The following ELOA variants were observed in gnomAD, a reference collection of about 807,000 sequenced individuals.
ELOA encodes elongin A.
A neutral mutation model predicts 85.2 loss-of-function variants in ELOA; 15 were observed. That is an observed-to-expected ratio of 0.18 (90% CI 0.12 to 0.27). ELOA has a LOEUF of 0.27. Ranked by LOEUF, ELOA falls within the 10% of genes least tolerant of loss-of-function variation. The probability of loss-of-function intolerance (pLI) is 1.00; values close to 1 mark genes in which losing one functional copy is unlikely to be tolerated. For missense variants in ELOA, 769 were observed against 952.7 expected, an observed-to-expected ratio of 0.81 and a Z score of 2.54; for synonymous variants, 348 against 357.2, an observed-to-expected ratio of 0.97 and a Z score of 0.29.
chr1:23,759,349 T>C (rs976759124), intron 10 of ELOA, among the ~76,000 whole-genome samples, 163 bp from the exon 11 acceptor site: 2 of 152,378 alleles, frequency 1.3e-5, no homozygotes, highest in African/African-American at 4.8e-5. Flanking sequence ...TGCTCTGTGC[T>C]GTTGCTTTTA....
At chr1:23,759,176 T>A (rs1188996558) in intron 10 of ELOA, among the ~76,000 whole-genome samples, 1 of 152,238 alleles carries the variant, frequency 6.6e-6, no homozygotes, top group East Asian at 1.9e-4. Context: ...AGAGTGAGAC[T>A]CTTTCCTTAC....
chr1:23,750,290 C>T (rs559168876), intron 3 of ELOA, among the ~76,000 whole-genome samples: 67 of 150,288 alleles, frequency 4.5e-4, no homozygotes, highest in Admixed American at 7.4e-4. Flanking sequence ...ATTCTCCTGC[C>T]TCAGCCTCCT....
chr1:23,746,764 G>T (rs1241317241), intron 1 of ELOA, among the ~76,000 whole-genome samples: 2 of 152,148 alleles, frequency 1.3e-5, no homozygotes, highest in Non-Finnish European at 2.9e-5. Context: ...GCCTCAACAT[G>T]TACCTTGCAA....
At chr1:23,745,481 A>C (rs1340159852) in intron 1 of ELOA, among the ~76,000 whole-genome samples, 1 of 151,438 alleles carries the variant, frequency 6.6e-6, no homozygotes, top group East Asian at 1.9e-4. Context: ...GAAAAGGCTT[A>C]TTCCACCTCA....
chr1:23,752,939 A>G (rs1336408032), intron 5 of ELOA, among the ~76,000 whole-genome samples: 2 of 151,904 alleles, frequency 1.3e-5, no homozygotes, highest in African/African-American at 2.4e-5. Flanking sequence ...GGGAAACTCT[A>G]TTTCAAAAAA....
chr1:23,743,803 C>T (rs1435021730), intron 1 of ELOA, among the ~76,000 whole-genome samples: 1 of 152,110 alleles, frequency 6.6e-6, no homozygotes, highest in Admixed American at 6.5e-5. Flanking sequence ...CTCACGGGCC[C>T]GGGATGGGGG....
chr1:23,756,219 A>G lies in ELOA; in HGVS notation c.1973-55A>G, dbSNP rs1644794203. The G allele has an allele frequency of 4.7e-6, 7 of 1,496,714 alleles. No homozygotes were observed. In the East Asian group the frequency reaches 9.9e-5, roughly 21 times the overall value. 92.7% of individuals were successfully genotyped at this position (1,496,714 alleles called of 1,614,324 possible). On this transcript the variant is annotated intron_variant, in intron 8 of 10. Transcript: ENST00000613537. Reference sequence around the variant, plus strand: ...CTCAAAAAGCCCGTGGATTATTTAAATAACAGTAGCATCTCTGCTCAAGAA... The same window carrying G: ...CTCAAAAAGCCCGTGGATTATTTAAGTAACAGTAGCATCTCTGCTCAAGAA...
intron 8 of ELOA, 61 bp downstream of exon 8, chr1:23,756,084 G>A (rs1644793571): frequency 6.4e-7 from 1 of 1,573,520 alleles, no homozygotes; most frequent in African/African-American, 1.4e-5. Context: ...TCAATAGCAG[G>A]GTGTTGGTGG....
intron 10 of ELOA, among the ~76,000 whole-genome samples, chr1:23,757,842 A>C (rs1638220734): frequency 6.6e-6 from 1 of 151,942 alleles, no homozygotes; most frequent in Admixed American, 6.6e-5. Flanking sequence ...TGAAAGTAGA[A>C]AATAGTATCT....
At chr1:23,750,289 C>T (rs1024424719) in intron 3 of ELOA, among the ~76,000 whole-genome samples, 2 of 149,418 alleles carry the variant, frequency 1.3e-5, no homozygotes, top group African/African-American at 2.5e-5. Context: ...CATTCTCCTG[C>T]CTCAGCCTCC....
chr1:23,757,246 A>G, intron 10 of ELOA, 121 bp downstream of exon 10: 3 of 1,104,578 alleles, frequency 2.7e-6, no homozygotes, highest in African/African-American at 1.6e-5. Context: ...TGCCTTGCAC[A>G]TAGCTGGTCT....
chr1:23,743,718 C>A, intron 1 of ELOA, 140 bp downstream of exon 1: 2 of 1,063,816 alleles, frequency 1.9e-6, no homozygotes, highest in Non-Finnish European at 2.5e-6. Context: ...AAGTTCGCGG[C>A]CATTGACCGC....
intron 9 of ELOA, among the ~76,000 whole-genome samples, chr1:23,756,641 C>A (rs1644795865): frequency 6.6e-6 from 1 of 152,216 alleles, no homozygotes; most frequent in African/African-American, 2.4e-5. Flanking sequence ...GGGAAACATT[C>A]CCTTATGCTT....
At chr1:23,758,280 T>A (rs527842397) in intron 10 of ELOA, among the ~76,000 whole-genome samples, 12 of 111,134 alleles carry the variant, frequency 1.1e-4, no homozygotes, top group African/African-American at 2.8e-4. Context: ...TTTTTTTTTT[T>A]TTTTTTTTTT....
At position 23,743,548 on chromosome 1, in the gene ELOA, G is replaced by T; in HGVS notation, c.45G>T (p.Ala15=). Residue 15 remains alanine (A), a synonymous_variant, in exon 1 of 11, where the codon GCG becomes GCT. Coordinates refer to ENST00000613537, the MANE Select transcript of ELOA (RefSeq NM_003198.3). ...SALQVVEKLQ[A]RLAANPDPKK... ...TCCAAGTTGTGGAGAAGCTGCAGGC[G>T]CGCCTGGCCGCGAACCCGGACCCTA... is the stretch of plus-strand genomic sequence containing the variant. 6.7e-7 allele frequency: 1 copy of T among 1,496,600 alleles called. No individual in the cohort carries two copies. Among genetic ancestry groups the T allele is most frequent in the South Asian group, 1.2e-5 (1 of 80,242 alleles). 92.7% of individuals were successfully genotyped at this position (1,496,600 alleles called of 1,614,324 possible).
Position 23,757,144 on chromosome 1 carries a change from C to T in ELOA, c.2257+19C>T, listed in dbSNP as rs1257459084. On this transcript the variant is annotated intron_variant, in intron 10 of 10. Transcript: ENST00000613537. ...GTGAAGAGTAAGTAACTTGGAGTTCCTGCTCAAATATTATTTCAGCACTAG... is the reference window on the plus strand; with the variant it reads ...GTGAAGAGTAAGTAACTTGGAGTTCTTGCTCAAATATTATTTCAGCACTAG... 7.2e-6 allele frequency: 11 copies of T among 1,522,132 alleles called. 1 individual carries two copies. Among genetic ancestry groups the T allele is most frequent in the Non-Finnish European group, 5.3e-6 (6 of 1,137,260 alleles). The allele number at this position is 1,522,132 out of a possible 1,614,324, so 94.3% of individuals were successfully genotyped here.
At chr1:23,754,546 T>G (rs987959811) in intron 7 of ELOA, 86 bp downstream of exon 7, 6 of 1,054,178 alleles carry the variant, frequency 5.7e-6, no homozygotes, top group Non-Finnish European at 8.7e-6. Flanking sequence ...CCGCTGTGGC[T>G]GAAGGGCAGA....
chr1:23,748,556 T>G (rs1235319525), intron 1 of ELOA, among the ~76,000 whole-genome samples: 2 of 152,328 alleles, frequency 1.3e-5, no homozygotes, highest in South Asian at 2.1e-4. Context: ...TGTTAAACAC[T>G]GTGGCCCTTC....
In ELOA at chr1:23,751,794, G is replaced by A; in HGVS notation, c.1189G>A (p.Glu397Lys). ...SLPKVEETDM[E>K]DEFEQPTMSF... ...CCCTAAAGTTGAGGAGACAGATATG[G>A]AGGATGAATTCGAGCAGCCAACCAT... The change falls in exon 4 of 11, where the codon GAG becomes AAG. Residue 397 changes from glutamate to lysine, a missense_variant. Glu to Lys is a moderately conservative substitution (Grantham distance 56, BLOSUM62 1). Coordinates refer to ENST00000613537, the MANE Select transcript of ELOA (RefSeq NM_003198.3). The A allele has an allele frequency of 6.2e-7, 1 of 1,614,184 alleles. No individual in the cohort carries two copies. The highest frequency in any genetic ancestry group is 8.5e-7 in the Non-Finnish European group (1 of 1,180,048).
Sources: gnomAD v4.1 joint callset for allele counts (sites outside exome capture counted in the v4.1 genomes callset) on GRCh38, gnomAD v4.1.1 for gene constraint, MANE v1.5 for transcripts, NCBI Gene and HGNC (gene_info 2026-07-23, HGNC 2026-07-21) for gene names.